The following CSMD1 variants were observed in gnomAD, a reference collection of about 807,000 sequenced individuals.
CSMD1 encodes the protein CUB and sushi domain-containing protein 1.
In CSMD1, 213 loss-of-function variants were observed where a neutral mutation model predicts 417.5. That is an observed-to-expected ratio of 0.51 (90% CI 0.46 to 0.57). CSMD1 has a LOEUF of 0.57. Ranked by LOEUF, CSMD1 falls within the 20% of genes least tolerant of loss-of-function variation. CSMD1 has a pLI of 0.00. For synonymous variants in CSMD1, 2,862 were observed against 1,736.8 expected (o/e 1.65, Z -16.11); for missense variants, 6,923 against 4,529.7 (o/e 1.53, Z -15.17).
chr8:3,695,009 G>A (rs1229037751), intron 7 of CSMD1, among the ~76,000 whole-genome samples: 2 of 151,726 alleles, frequency 1.3e-5, no homozygotes, highest in Admixed American at 1.3e-4. Context: ...TAGGACATTA[G>A]ACGAAGACAT....
intron 5 of CSMD1, among the ~76,000 whole-genome samples, chr8:3,762,471 G>C (rs1283009336): frequency 6.6e-6 from 1 of 152,222 alleles, no homozygotes; most frequent in Non-Finnish European, 1.5e-5. Flanking sequence ...CTTGGTATAA[G>C]GCACATGGCT....
intron 1 of CSMD1, among the ~76,000 whole-genome samples, chr8:4,965,780 T>G (rs1341306331): frequency 1.3e-5 from 2 of 152,164 alleles, no homozygotes; most frequent in Non-Finnish European, 2.9e-5. Context: ...CTGCCCAGAA[T>G]TCAATCTAAT....
At chr8:4,574,955 T>G (rs902493632) in intron 2 of CSMD1, among the ~76,000 whole-genome samples, 1 of 152,240 alleles carries the variant, frequency 6.6e-6, no homozygotes, top group Non-Finnish European at 1.5e-5. Context: ...CTATTCCTAA[T>G]GACCTCTATG....
At chr8:3,669,814 A>G (rs900146064) in intron 7 of CSMD1, among the ~76,000 whole-genome samples, 1 of 152,132 alleles carries the variant, frequency 6.6e-6, no homozygotes, top group African/African-American at 2.4e-5. Context: ...CTAACAGCCA[A>G]TTCAGAGAAC....
intron 5 of CSMD1, among the ~76,000 whole-genome samples, chr8:3,766,064 C>G (rs535144557): frequency 2.0e-5 from 3 of 152,258 alleles, no homozygotes; most frequent in Admixed American, 2.0e-4. Flanking sequence ...GGGAATTGCT[C>G]AGAACTCAAG....
intron 2 of CSMD1, among the ~76,000 whole-genome samples, chr8:4,443,321 G>A (rs1164842771): frequency 1.3e-5 from 2 of 152,130 alleles, no homozygotes; most frequent in African/African-American, 2.4e-5. Context: ...ACTTATTTTA[G>A]AGAAAGTCTA....
chr8:3,912,144 C>T (rs1299874744), intron 5 of CSMD1, among the ~76,000 whole-genome samples: 1 of 152,054 alleles, frequency 6.6e-6, no homozygotes, highest in African/African-American at 2.4e-5. Flanking sequence ...TTTATTTAAC[C>T]TGATTAATGG....
At chr8:3,873,346 G>A (rs1375273180) in intron 5 of CSMD1, among the ~76,000 whole-genome samples, 2 of 151,938 alleles carry the variant, frequency 1.3e-5, no homozygotes, top group Non-Finnish European at 1.5e-5. Flanking sequence ...AATGTGATAT[G>A]TATATACCAT....
intron 2 of CSMD1, among the ~76,000 whole-genome samples, chr8:4,526,974 A>G (rs1796546051): frequency 6.6e-6 from 1 of 152,194 alleles, no homozygotes. Flanking sequence ...TGTAGATACC[A>G]TCTATCCACA....
At chr8:3,327,988 G>A (rs556430731) in intron 23 of CSMD1, among the ~76,000 whole-genome samples, 10 of 152,162 alleles carry the variant, frequency 6.6e-5, no homozygotes, top group Admixed American at 6.5e-4. Flanking sequence ...TATAATTGGG[G>A]CATCTCCAGC....
chr8:4,349,457 G>C (rs1028073254), intron 3 of CSMD1, among the ~76,000 whole-genome samples: 2 of 152,144 alleles, frequency 1.3e-5, no homozygotes, highest in Non-Finnish European at 2.9e-5. Flanking sequence ...CTAGTGATAT[G>C]TCTCAGGTTA....
intron 1 of CSMD1, among the ~76,000 whole-genome samples, chr8:4,864,165 C>T (rs976023355): frequency 7.3e-5 from 11 of 151,624 alleles, no homozygotes; most frequent in South Asian, 2.1e-4. Flanking sequence ...TGGATTTTCC[C>T]GACACCTCAA....
In CSMD1 at chr8:3,560,574, A is replaced by T. The variant is rs527713487; in HGVS notation, c.1344+14371T>A. Among the ~76,000 whole-genome samples, 6 of 152,282 alleles carry T rather than the reference A, an allele frequency of 3.9e-5. No individual in the cohort carries two copies. In the South Asian group the frequency reaches 1.2e-3, roughly 32 times the overall value. ...TGAGTTATAAATGACTCTTAAAATG[A>T]ATGGGAGAGGAAGAAGGAATGGAAA... is the stretch of plus-strand genomic sequence containing the variant. On this transcript the variant is annotated intron_variant, in intron 10 of 69. Coordinates refer to ENST00000635120, the MANE Select transcript of CSMD1 (RefSeq NM_033225.6).
At chr8:4,495,075 G>C (rs1471152706) in intron 2 of CSMD1, among the ~76,000 whole-genome samples, 1 of 152,106 alleles carries the variant, frequency 6.6e-6, no homozygotes, top group Non-Finnish European at 1.5e-5. Flanking sequence ...GACAAGGAAA[G>C]AAACCAGATT....
intron 11 of CSMD1, among the ~76,000 whole-genome samples, chr8:3,488,895 G>C (rs963302649): frequency 6.6e-6 from 1 of 151,910 alleles, no homozygotes; most frequent in Admixed American, 6.6e-5. Context: ...ATTTCTATTT[G>C]GTTTGATTTC....
intron 3 of CSMD1, among the ~76,000 whole-genome samples, chr8:4,226,408 TAAAAC>T (rs1801360157): frequency 6.6e-6 from 1 of 152,122 alleles, no homozygotes; most frequent in African/African-American, 2.4e-5. Flanking sequence ...GATGCAGAAA[TAAAAC>T]ATAACATGCA....
At chr8:3,222,291 T>C (rs559791594) in intron 28 of CSMD1, among the ~76,000 whole-genome samples, 1 of 151,842 alleles carries the variant, frequency 6.6e-6, no homozygotes, top group South Asian at 2.1e-4. Context: ...GGGAGGAAAC[T>C]CCTACTAACA....
At chr8:4,299,734 G>C (rs958426579) in intron 3 of CSMD1, among the ~76,000 whole-genome samples, 2 of 152,054 alleles carry the variant, frequency 1.3e-5, no homozygotes, top group African/African-American at 4.8e-5. Context: ...CATTTCAAGC[G>C]ATTGTCATGC....
At chr8:2,991,790 C>T (rs1054142378) in intron 54 of CSMD1, among the ~76,000 whole-genome samples, 11 of 152,172 alleles carry the variant, frequency 7.2e-5, no homozygotes, top group African/African-American at 2.4e-4. Context: ...TATTTCCCAT[C>T]TGAGAACTGC....
Sources: allele counts gnomAD v4.1 joint callset (sites outside exome capture counted in the v4.1 genomes callset), GRCh38; gene constraint gnomAD v4.1.1; transcripts MANE v1.5; gene names NCBI Gene and HGNC (gene_info 2026-07-23, HGNC 2026-07-21).